The following TMEM178B variants were observed in gnomAD, a reference collection of about 807,000 sequenced individuals.
TMEM178B encodes the protein transmembrane protein 178B.
In TMEM178B, 5 loss-of-function variants were observed where a neutral mutation model predicts 31.0. The ratio of observed to expected loss-of-function variants is 0.16; its 90% CI spans 0.08 to 0.34. The LOEUF (loss-of-function observed/expected upper bound fraction) is 0.34. Ranked by LOEUF, TMEM178B falls within the 10% of genes least tolerant of loss-of-function variation. The pLI, the probability that TMEM178B is intolerant of heterozygous loss-of-function variation, is 1.00. For missense variants in TMEM178B, 275 were observed against 400.3 expected (o/e 0.69, Z 2.67); for synonymous variants, 164 against 164.0 (o/e 1.00, Z 0.00).
chr7:141,428,629 G>C (rs945174922), intron 2 of TMEM178B, among the ~76,000 whole-genome samples: 1 of 152,102 alleles, frequency 6.6e-6, no homozygotes, highest in Non-Finnish European at 1.5e-5. Flanking sequence ...GTCCTGGCAG[G>C]CCACCCCACG....
chr7:141,161,435 G>A (rs1451625144), intron 1 of TMEM178B, among the ~76,000 whole-genome samples: 2 of 152,214 alleles, frequency 1.3e-5, no homozygotes, highest in Non-Finnish European at 2.9e-5. Context: ...CCTAGACGGT[G>A]ACCCAGGAGC....
At chr7:141,419,996 G>A (rs1586948141) in intron 2 of TMEM178B, among the ~76,000 whole-genome samples, 1 of 152,144 alleles carries the variant, frequency 6.6e-6, no homozygotes, top group African/African-American at 2.4e-5. Flanking sequence ...TGCATCTGCT[G>A]TTCCCTCTAC....
chr7:141,436,895 C>A (rs1801554513), intron 2 of TMEM178B, among the ~76,000 whole-genome samples: 1 of 152,120 alleles, frequency 6.6e-6, no homozygotes, highest in Non-Finnish European at 1.5e-5. Flanking sequence ...CGGGGCTGAC[C>A]CGGGGGTGGA....
At chr7:141,493,501 A>G in the TMEM178B span, among the ~76,000 whole-genome samples, 3 of 152,112 alleles carry the variant, frequency 2.0e-5, no homozygotes, top group African/African-American at 7.2e-5. Flanking sequence ...ATAGAGACAC[A>G]TGGCATCCCT....
At chr7:141,127,570 G>A (rs1039797184) in intron 1 of TMEM178B, among the ~76,000 whole-genome samples, 1 of 152,206 alleles carries the variant, frequency 6.6e-6, no homozygotes, top group Non-Finnish European at 1.5e-5. Flanking sequence ...AGGATTACCA[G>A]AAACTGGAGA....
At chr7:141,302,789 C>T (rs1798750637) in intron 2 of TMEM178B, among the ~76,000 whole-genome samples, 1 of 152,164 alleles carries the variant, frequency 6.6e-6, no homozygotes, top group African/African-American at 2.4e-5. Context: ...ACACTGTGTA[C>T]ACAGAATTAG....
chr7:141,509,529 A>T, the TMEM178B span, among the ~76,000 whole-genome samples: 1 of 152,120 alleles, frequency 6.6e-6, no homozygotes. Flanking sequence ...GGGCGCCTGT[A>T]ATCCCAGCTA....
At chr7:141,504,633 A>G in the TMEM178B span, among the ~76,000 whole-genome samples, 2 of 152,250 alleles carry the variant, frequency 1.3e-5, no homozygotes, top group African/African-American at 4.8e-5. Flanking sequence ...TACAAGGTAA[A>G]AGCAAAGGGT....
chr7:141,398,733 G>A (rs974971161), intron 2 of TMEM178B, among the ~76,000 whole-genome samples: 4 of 152,214 alleles, frequency 2.6e-5, no homozygotes, highest in African/African-American at 9.6e-5. Context: ...GAGGGCTTCA[G>A]CAAGCCCAGG....
At chr7:141,292,785 G>A (rs1009491443) in intron 2 of TMEM178B, among the ~76,000 whole-genome samples, 1 of 151,884 alleles carries the variant, frequency 6.6e-6, no homozygotes, top group Non-Finnish European at 1.5e-5. Context: ...TTACAGGTGT[G>A]CACCACCATG....
At chr7:141,497,025 G>A in the TMEM178B span, among the ~76,000 whole-genome samples, 1 of 152,088 alleles carries the variant, frequency 6.6e-6, no homozygotes, top group African/African-American at 2.4e-5. Context: ...AGATTGCTGT[G>A]GTCAGTGTGG....
At chr7:141,392,995 C>T (rs1333632374) in intron 2 of TMEM178B, among the ~76,000 whole-genome samples, 1 of 152,118 alleles carries the variant, frequency 6.6e-6, no homozygotes, top group East Asian at 1.9e-4. Flanking sequence ...TTCACCATCT[C>T]CAAGCCTTGT....
intron 2 of TMEM178B, chr7:141,352,558 T>G (rs1302798477): frequency 6.6e-6 from 1 of 152,126 alleles, no homozygotes; most frequent in Non-Finnish European, 1.5e-5. Flanking sequence ...TTTTTTGTAT[T>G]TTTAGTAGAG....
intron 2 of TMEM178B, among the ~76,000 whole-genome samples, chr7:141,407,750 T>A (rs896277074): frequency 1.3e-5 from 2 of 152,194 alleles, no homozygotes; most frequent in African/African-American, 4.8e-5. Context: ...ACCTACATCA[T>A]GATCCAACAC....
chr7:141,234,676 C>T (rs1184545904), intron 2 of TMEM178B, among the ~76,000 whole-genome samples: 1 of 152,190 alleles, frequency 6.6e-6, no homozygotes, highest in East Asian at 1.9e-4. Context: ...GTTAATCAAA[C>T]CCTAATTCCC....
chr7:141,077,513 C>T (rs533557212), intron 1 of TMEM178B, among the ~76,000 whole-genome samples: 46 of 152,272 alleles, frequency 3.0e-4, no homozygotes, highest in Non-Finnish European at 3.8e-4. Context: ...AGGTAAAGTC[C>T]TCTGGATTCA....
At chr7:141,185,536 G>A (rs917199007) in intron 1 of TMEM178B, among the ~76,000 whole-genome samples, 5 of 152,110 alleles carry the variant, frequency 3.3e-5, no homozygotes, top group African/African-American at 1.2e-4. Context: ...CCCTCAACGC[G>A]CAGCCGCTTG....
downstream of TMEM178B, among the ~76,000 whole-genome samples, chr7:141,483,204 G>A: frequency 6.6e-6 from 1 of 152,180 alleles, no homozygotes; most frequent in Non-Finnish European, 1.5e-5. Context: ...GGGCAGAGTT[G>A]GGGTAACCCA....
intron 2 of TMEM178B, among the ~76,000 whole-genome samples, chr7:141,288,196 T>G (rs1301198772): frequency 2.3e-5 from 1 of 43,016 alleles, no homozygotes; most frequent in Non-Finnish European, 6.4e-5. Context: ...GCCTCTACTC[T>G]TTTTTTTTTT....
Sources: allele counts gnomAD v4.1 joint callset (sites outside exome capture counted in the v4.1 genomes callset), GRCh38; gene constraint gnomAD v4.1.1; transcripts MANE v1.5; gene names NCBI Gene and HGNC (gene_info 2026-07-23, HGNC 2026-07-21).